Variants in MYO1H observed in about 807,000 individuals in gnomAD.
MYO1H encodes the protein myosin IH, also known as unconventional myosin-Ih.
Under a neutral mutation model 149.3 loss-of-function variants are expected in MYO1H, and 118 were observed. The observed-to-expected ratio is 0.79, with a 90% confidence interval of 0.68 to 0.92. The LOEUF is 0.92. MYO1H is among the 40% of genes least tolerant of loss of function. The pLI is 0.00. For synonymous variants in MYO1H, 447 were observed against 465.2 expected, an observed-to-expected ratio of 0.96 and a Z score of 0.50; for missense variants, 1,212 against 1,280.7, an observed-to-expected ratio of 0.95 and a Z score of 0.82.
chr12:109,407,801 G>T (rs1254616327), exon 10 of MYO1H: 1 of 1,613,612 alleles, frequency 6.2e-7, no homozygotes. Context: ...CAGGTGATCT[G>T]CCCGTTGACA....
intron 3 of MYO1H, 139 bp downstream of exon 3, chr12:109,393,585 A>C: frequency 1.6e-6 from 1 of 642,688 alleles, no homozygotes; most frequent in Admixed American, 2.3e-5. Flanking sequence ...CCGCCCACCC[A>C]TCCATTCATC....
chr12:109,444,588 C>G, intron 30 of MYO1H, 59 bp downstream of exon 30: 12 of 1,347,464 alleles, frequency 8.9e-6, no homozygotes, highest in African/African-American at 1.4e-5. Context: ...TTATTAAGGC[C>G]GAGCGTGGTG....
intron 19 of MYO1H, among the ~76,000 whole-genome samples, chr12:109,429,694 GTTA>G (rs1871529274): frequency 6.6e-6 from 1 of 152,164 alleles, no homozygotes; most frequent in Non-Finnish European, 1.5e-5. Context: ...GCAGGGATAT[GTTA>G]TTTGAAGAAA....
chr12:109,318,981 T>TTTTTTTC, the MYO1H span, among the ~76,000 whole-genome samples: 1 of 49,640 alleles, frequency 2.0e-5, no homozygotes, highest in Non-Finnish European at 4.8e-5. Flanking sequence ...TGTTTTTTTT[T>TTTTTTTC]TTTTTTTTTT....
At chr12:109,427,518 G>T (rs1429514608) in exon 19 of MYO1H, 1 of 1,613,032 alleles carries the variant, frequency 6.2e-7, no homozygotes, top group Non-Finnish European at 8.5e-7. Context: ...ACCTGGGGCT[G>T]ATGGAGCACC....
At chr12:109,317,434 A>G in the MYO1H span, among the ~76,000 whole-genome samples, 1 of 152,148 alleles carries the variant, frequency 6.6e-6, no homozygotes. Context: ...AGTTCTCCTA[A>G]TCTCTATTTG....
chr12:109,448,052 CACTT>C (rs1426691486), exon 32 of MYO1H: 2 of 152,230 alleles, frequency 1.3e-5, no homozygotes, highest in Non-Finnish European at 2.9e-5. Flanking sequence ...TGACCACCAT[CACTT>C]ACCGATTCAC....
At chr12:109,431,564 C>A (rs1042416555) in intron 19 of MYO1H, among the ~76,000 whole-genome samples, 18 of 152,116 alleles carry the variant, frequency 1.2e-4, no homozygotes, top group African/African-American at 4.8e-5. Context: ...GGTGAGGCAG[C>A]GACTCCTCCC....
intron 14 of MYO1H, among the ~76,000 whole-genome samples, chr12:109,413,265 A>G (rs1870752882): frequency 6.6e-6 from 1 of 152,102 alleles, no homozygotes; most frequent in South Asian, 2.1e-4. Context: ...ATGAGCCACC[A>G]TGCCTGGCCC....
chr12:109,426,238 C>T (rs940721438), intron 18 of MYO1H, among the ~76,000 whole-genome samples, 187 bp downstream of exon 18: 5 of 152,170 alleles, frequency 3.3e-5, no homozygotes, highest in Admixed American at 3.3e-4. Flanking sequence ...AATCCCAGCC[C>T]TTTGGGAGGT....
chr12:109,362,097 A>G (rs549827570), intron 1 of MYO1H, among the ~76,000 whole-genome samples: 2 of 152,354 alleles, frequency 1.3e-5, no homozygotes, highest in South Asian at 4.1e-4. Flanking sequence ...GATAGACAAT[A>G]TCATTTATTG....
chr12:109,428,162 T>C (rs1235655264), intron 19 of MYO1H, among the ~76,000 whole-genome samples: 1 of 150,882 alleles, frequency 6.6e-6, no homozygotes, highest in Non-Finnish European at 1.5e-5. Flanking sequence ...CACTAATCCC[T>C]GACTGTTTAC....
At chr12:109,441,056 AC>A (rs1298935503) in intron 25 of MYO1H, among the ~76,000 whole-genome samples, 2 of 152,204 alleles carry the variant, frequency 1.3e-5, no homozygotes, top group Admixed American at 6.5e-5. Context: ...CACAATCACA[AC>A]GGCTCCTGCC....
chr12:109,443,214 G>A lies in MYO1H; in HGVS notation c.2689-300G>A, dbSNP rs1233815132. 3.6e-5 allele frequency among the ~76,000 whole-genome samples: 3 copies of A among 82,738 alleles called. 1 individual carries two copies. Among genetic ancestry groups the A allele is most frequent in the African/African-American group, 1.6e-4 (3 of 18,530 alleles). 54.3% of individuals were successfully genotyped at this position (82,738 alleles called of 152,430 possible). ...TACGTATATGTGTGTATATGTGTAC[G>A]TATATGTGTGTGTATATGTGTACGT... is the stretch of plus-strand genomic sequence containing the variant. On this transcript the variant is annotated intron_variant, in intron 27 of 31. Transcript: ENST00000310903.
intron 22 of MYO1H, among the ~76,000 whole-genome samples, chr12:109,437,709 T>C (rs931022562): frequency 3.3e-5 from 5 of 152,194 alleles, no homozygotes; most frequent in African/African-American, 1.2e-4. Flanking sequence ...TTTGGGTTGA[T>C]TCAAGTTGCT....
intron 7 of MYO1H, among the ~76,000 whole-genome samples, chr12:109,404,515 G>T (rs1227558370): frequency 6.6e-6 from 1 of 152,104 alleles, no homozygotes; most frequent in Non-Finnish European, 1.5e-5. Context: ...AATACAGGAT[G>T]CCCAGTTACA....
intron 21 of MYO1H, among the ~76,000 whole-genome samples, chr12:109,435,557 G>C (rs1055652382): frequency 6.6e-6 from 1 of 152,210 alleles, no homozygotes; most frequent in Non-Finnish European, 1.5e-5. Context: ...AAACTGCGGG[G>C]GGAGGGAGCG....
chr12:109,382,280 C>G (rs747750201), intron 1 of MYO1H, among the ~76,000 whole-genome samples: 18 of 152,076 alleles, frequency 1.2e-4, no homozygotes, highest in Non-Finnish European at 1.5e-5. Context: ...TCAGGAAATG[C>G]AGGAGAAAGA....
At chr12:109,316,500 A>G in the MYO1H span, among the ~76,000 whole-genome samples, 3 of 152,306 alleles carry the variant, frequency 2.0e-5, no homozygotes, top group South Asian at 2.1e-4. Context: ...ACTTGTTCCA[A>G]TATAGCACTC....
Sources: allele counts gnomAD v4.1 joint callset (sites outside exome capture counted in the v4.1 genomes callset), GRCh38; gene constraint gnomAD v4.1.1; transcripts MANE v1.5; gene names NCBI Gene and HGNC (gene_info 2026-07-23, HGNC 2026-07-21).